The following TNS3 variants were observed in gnomAD, a reference collection of about 807,000 sequenced individuals.
TNS3 encodes tensin 3.
A neutral mutation model predicts 140.9 loss-of-function variants in TNS3; 45 were observed. That is an observed-to-expected ratio of 0.32 (90% CI 0.25 to 0.41). TNS3 has a LOEUF of 0.41. TNS3 is among the 10% of genes least tolerant of loss of function. TNS3 has a pLI of 1.00. For missense variants in TNS3, 1,716 were observed against 1,906.7 expected (o/e 0.90, Z 1.86); for synonymous variants, 815 against 788.4 (o/e 1.03, Z -0.56).
At chr7:47,352,158 C>T (rs1264832953) in intron 17 of TNS3, among the ~76,000 whole-genome samples, 2 of 152,120 alleles carry the variant, frequency 1.3e-5, no homozygotes, top group Non-Finnish European at 2.9e-5. Flanking sequence ...TGCACTAACA[C>T]TCTCACCCAC....
At chr7:47,391,552 T>C (rs1792517602) in intron 16 of TNS3, among the ~76,000 whole-genome samples, 1 of 152,100 alleles carries the variant, frequency 6.6e-6, no homozygotes, top group South Asian at 2.1e-4. Flanking sequence ...AGCACCCCAA[T>C]GGGGAGTGTG....
chr7:47,428,615 G>C (rs1267683095), intron 8 of TNS3, among the ~76,000 whole-genome samples: 1 of 152,212 alleles, frequency 6.6e-6, no homozygotes, highest in Non-Finnish European at 1.5e-5. Flanking sequence ...TGGAGCAGCT[G>C]TAGAAGCCCA....
chr7:47,546,322 C>T (rs1252356952), intron 1 of TNS3, among the ~76,000 whole-genome samples: 4 of 152,194 alleles, frequency 2.6e-5, no homozygotes, highest in Non-Finnish European at 4.4e-5. Flanking sequence ...CCTGGCCTCA[C>T]ACACAGTCAC....
intron 30 of TNS3, chr7:47,278,930 A>G (rs906161703): frequency 7.9e-5 from 12 of 152,236 alleles, no homozygotes; most frequent in Non-Finnish European, 1.5e-5. Flanking sequence ...AGAAAAATGA[A>G]GGATTTTTTT....
chr7:47,425,663 C>T (rs1006176999), intron 9 of TNS3, among the ~76,000 whole-genome samples: 9 of 152,242 alleles, frequency 5.9e-5, no homozygotes, highest in African/African-American at 2.2e-4. Context: ...TTTAAGCATT[C>T]CTTTTTCTGA....
chr7:47,279,095 C>G (rs1037020308), intron 30 of TNS3: 2 of 152,352 alleles, frequency 1.3e-5, no homozygotes, highest in Non-Finnish European at 2.9e-5. Context: ...ACCGGGGAAG[C>G]CCAGCTCGTC....
At chr7:47,445,007 C>A (rs1041583622) in intron 4 of TNS3, among the ~76,000 whole-genome samples, 1 of 152,154 alleles carries the variant, frequency 6.6e-6, no homozygotes, top group East Asian at 1.9e-4. Flanking sequence ...AGAGACACCC[C>A]TTCCTTAACC....
chr7:47,557,371 T>C (rs1475557781), intron 1 of TNS3, among the ~76,000 whole-genome samples: 1 of 152,284 alleles, frequency 6.6e-6, no homozygotes, highest in Middle Eastern at 3.4e-3. Flanking sequence ...CAAATGGACC[T>C]TTCTGTCCCA....
intron 1 of TNS3, among the ~76,000 whole-genome samples, chr7:47,565,898 G>A (rs189449739): frequency 2.6e-5 from 4 of 152,260 alleles, no homozygotes; most frequent in Admixed American, 6.5e-5. Flanking sequence ...TTCCTCACAC[G>A]GGCGCTGGGA....
intron 1 of TNS3, among the ~76,000 whole-genome samples, chr7:47,538,128 A>C (rs1237826916): frequency 1.3e-5 from 2 of 152,200 alleles, no homozygotes; most frequent in African/African-American, 4.8e-5. Flanking sequence ...TGGACAAGCC[A>C]GGATCCTGAA....
At chr7:47,453,210 G>A (rs907057394) in intron 4 of TNS3, 99 of 985,498 alleles carry the variant, frequency 1.0e-4, no homozygotes, top group Non-Finnish European at 1.1e-4. Flanking sequence ...GACAATGTCC[G>A]CCCGGGGCTG....
intron 3 of TNS3, among the ~76,000 whole-genome samples, chr7:47,487,971 A>G (rs1584759453): frequency 6.6e-6 from 1 of 152,290 alleles, no homozygotes; most frequent in South Asian, 2.1e-4. Context: ...ACGGACGCCA[A>G]ATATTTGCTG....
Position 47,368,609 on chromosome 7 carries a change from G to A in TNS3, c.2037C>T (p.Gly679=), listed in dbSNP as rs1454642832. The change falls in exon 17 of 31, where the codon GGC becomes GGT. Residue 679 remains glycine (G), a synonymous_variant. Coordinates refer to ENST00000311160, the MANE Select transcript of TNS3 (RefSeq NM_022748.12). ...GGGAGGGGCCTGTGCTCAGCTCTGG[G>A]CCGGCTCCATTCACAACCTGGTCTC... The part of the protein sequence containing the change: ...FPGDQVVNGA[G]PELSTGPSPG... 1.9e-6 allele frequency: 3 copies of A among 1,590,474 alleles called. No individual in the cohort carries two copies. In the East Asian group the frequency reaches 6.7e-5, roughly 36 times the overall value.
intron 20 of TNS3, among the ~76,000 whole-genome samples, chr7:47,305,480 G>A (rs1786695370): frequency 1.3e-5 from 2 of 152,230 alleles, no homozygotes; most frequent in South Asian, 2.1e-4. Flanking sequence ...TGCGGCAGCC[G>A]GGCGGCCTAG....
chr7:47,413,416 A>C (rs1793898552), intron 12 of TNS3, among the ~76,000 whole-genome samples: 1 of 151,134 alleles, frequency 6.6e-6, no homozygotes. Context: ...AAGACTGGCT[A>C]ATTTTTGTAT....
At position 47,407,381 on chromosome 7, in the gene TNS3, C is replaced by T. The variant is rs1009032783; in HGVS notation, c.723+4346G>A. 6.6e-6 allele frequency among the ~76,000 whole-genome samples: 1 copy of T among 152,204 alleles called. No individual in the cohort carries two copies. Among genetic ancestry groups the T allele is most frequent in the African/African-American group, 2.4e-5 (1 of 41,448 alleles). On this transcript the variant is annotated intron_variant, in intron 13 of 30. Transcript: ENST00000311160. The surrounding 1 kb of genome is among the most constrained non-coding windows in gnomAD (Gnocchi z 4.1). ...CCTAGCTATCTGCATGCTCATCTCC[C>T]TGAAGGACCCAGACTCCCGGGAGCA...
At chr7:47,410,844 T>C (rs1793728503) in intron 13 of TNS3, among the ~76,000 whole-genome samples, 1 of 152,246 alleles carries the variant, frequency 6.6e-6, no homozygotes, top group Non-Finnish European at 1.5e-5. Flanking sequence ...GCTTACCTTA[T>C]TTCAGATAAA....
rs181949827 is a variant in TNS3 at position 47,448,018 on chromosome 7, G to A, written c.-75-5963C>T. On this transcript the variant is annotated intron_variant, in intron 4 of 30. Coordinates refer to ENST00000311160, the MANE Select transcript of TNS3 (RefSeq NM_022748.12). ...GGCAGAGAAGACAGCAGGAGGCTGG[G>A]GGCCCTGGCAGAAGGAGGGGAGGCT... is the stretch of plus-strand genomic sequence containing the variant. 3.5e-3 allele frequency among the ~76,000 whole-genome samples: 528 copies of A among 152,304 alleles called. 1 individual carries two copies. Among genetic ancestry groups the A allele is most frequent in the South Asian group, 0.012 (57 of 4,824 alleles).
At position 47,561,535 on chromosome 7, in the gene TNS3, G is replaced by T. The variant is rs1454673215; in HGVS notation, c.-265+20516C>A. On this transcript the variant is annotated intron_variant, in intron 1 of 30. Transcript: ENST00000311160. ...AACCATTGTTTCCCTCATCACAATG[G>T]CTACTAGGAAGCTCATAGCCAAATC... Among the ~76,000 whole-genome samples the T allele has an allele frequency of 3.3e-5, 5 of 151,978 alleles. No individual in the cohort carries two copies. In the South Asian group the frequency reaches 6.2e-4, roughly 19 times the overall value.
Sources: allele counts gnomAD v4.1 joint callset (sites outside exome capture counted in the v4.1 genomes callset), GRCh38; gene constraint gnomAD v4.1.1; non-coding constraint Gnocchi (gnomAD v3.1); transcripts MANE v1.5; gene names NCBI Gene and HGNC (gene_info 2026-07-23, HGNC 2026-07-21).